ADAMTS9: variants seen among roughly 807,000 people sequenced by gnomAD.
ADAMTS9 encodes A disintegrin and metalloproteinase with thrombospondin motifs 9.
In ADAMTS9, 107 loss-of-function variants were observed where a neutral mutation model predicts 257.1. The observed-to-expected ratio is 0.42, with a 90% CI of 0.36 to 0.49. ADAMTS9 has a LOEUF of 0.49. ADAMTS9 is among the 20% of genes least tolerant of loss of function. ADAMTS9 has a pLI of 0.03. For synonymous variants in ADAMTS9, 982 were observed against 880.9 expected (o/e 1.11, Z -2.03); for missense variants, 2,353 against 2,469.1 (o/e 0.95, Z 1.00).
intron 30 of ADAMTS9, among the ~76,000 whole-genome samples, chr3:64,553,782 G>T (rs534352824): frequency 8.5e-5 from 13 of 152,110 alleles, no homozygotes; most frequent in Non-Finnish European, 1.5e-4. Context: ...ACCACTGTGA[G>T]GTGAGCATGG....
At chr3:64,538,420 A>G (rs2083076618) in intron 37 of ADAMTS9, among the ~76,000 whole-genome samples, 2 of 151,968 alleles carry the variant, frequency 1.3e-5, no homozygotes, top group South Asian at 4.1e-4. Context: ...TTTTTTAAAA[A>G]TTGGTTTCAT....
chr3:64,680,825 A>T (rs982169888), intron 3 of ADAMTS9, among the ~76,000 whole-genome samples: 1 of 152,102 alleles, frequency 6.6e-6, no homozygotes, highest in Admixed American at 6.5e-5. Flanking sequence ...TGAACAGAAG[A>T]TGCCAAAAAA....
intron 31 of ADAMTS9, among the ~76,000 whole-genome samples, chr3:64,547,512 A>ATTTTTTTTTTT (rs58728148): frequency 8.2e-6 from 1 of 122,132 alleles, no homozygotes; most frequent in Non-Finnish European, 1.6e-5. Context: ...CTGGCTATAG[A>ATTTTTTTTTTT]TTTTTTTTTT....
chr3:64,649,524 T>C, intron 10 of ADAMTS9, 113 bp downstream of exon 10: 2 of 1,256,848 alleles, frequency 1.6e-6, no homozygotes, highest in Middle Eastern at 2.0e-4. Context: ...GCAATTTTAC[T>C]CTCAGCTTTT....
At chr3:64,554,207 C>T (rs938846079) in intron 30 of ADAMTS9, among the ~76,000 whole-genome samples, 2 of 152,086 alleles carry the variant, frequency 1.3e-5, no homozygotes, top group Admixed American at 6.5e-5. Context: ...GCTTGTTAAG[C>T]GTTTCTCTCT....
At chr3:64,602,362 C>T (rs1271636382) in intron 25 of ADAMTS9, 149 bp from the exon 26 acceptor site, 2 of 807,668 alleles carry the variant, frequency 2.5e-6, no homozygotes, top group African/African-American at 1.7e-5. Context: ...TCTTTTTTTC[C>T]CATCCCATAT....
chr3:64,607,453 T>C (rs1354824973), intron 22 of ADAMTS9, among the ~76,000 whole-genome samples: 1 of 152,112 alleles, frequency 6.6e-6, no homozygotes, highest in Non-Finnish European at 1.5e-5. Flanking sequence ...TTCTAGGAAA[T>C]TATCCTGAAG....
Position 64,658,631 on chromosome 3 carries a change from C to T in ADAMTS9, c.840G>A (p.Arg280=), listed in dbSNP as rs1307876575. The T allele has an allele frequency of 6.2e-7, 1 of 1,613,876 alleles. No homozygotes were observed. The highest frequency in any genetic ancestry group is 1.7e-5 in the Admixed American group (1 of 59,974). Residue 280 remains arginine, a synonymous_variant, in exon 4 of 40, where the codon AGG becomes AGA. Coordinates refer to ENST00000498707, the MANE Select transcript of ADAMTS9 (RefSeq NM_182920.2). ...AAAAACGTTTTGTCCTTCTGTGGGTCCTCTTTTCTCTTGTGTTGTCCGTCT... is the reference window on the plus strand; with the variant it reads ...AAAAACGTTTTGTCCTTCTGTGGGTTCTCTTTTCTCTTGTGTTGTCCGTCT... ...GNKTDNTREK[R]THRRTKRFLS... is the part of the protein sequence containing the mutation.
At chr3:64,566,448 T>C (rs991292764) in intron 29 of ADAMTS9, among the ~76,000 whole-genome samples, 1 of 152,210 alleles carries the variant, frequency 6.6e-6, no homozygotes, top group African/African-American at 2.4e-5. Flanking sequence ...ACTTGACTTT[T>C]CCGAGCAATC....
At chr3:64,630,818 G>T (rs1449330548) in intron 16 of ADAMTS9, among the ~76,000 whole-genome samples, 1 of 152,128 alleles carries the variant, frequency 6.6e-6, no homozygotes. Context: ...ATGGGACTGG[G>T]CTGAGCAAAC....
At chr3:64,625,088 A>G (rs539368343) in intron 16 of ADAMTS9, among the ~76,000 whole-genome samples, 1 of 152,322 alleles carries the variant, frequency 6.6e-6, no homozygotes, top group African/African-American at 2.4e-5. Flanking sequence ...TACAGGCCAT[A>G]TATTTAGGTG....
intron 38 of ADAMTS9, among the ~76,000 whole-genome samples, chr3:64,529,353 G>A (rs1475450252): frequency 1.3e-5 from 2 of 152,138 alleles, no homozygotes; most frequent in Non-Finnish European, 2.9e-5. Flanking sequence ...AATCAATACA[G>A]CTTTCCTTTA....
intron 12 of ADAMTS9, among the ~76,000 whole-genome samples, chr3:64,635,755 C>CT (rs1024474453): frequency 2.0e-5 from 3 of 151,478 alleles, no homozygotes; most frequent in East Asian, 1.9e-4. Context: ...GTTTCAGAGT[C>CT]TTTTTTTTTC....
chr3:64,529,783 A>G (rs1378958842), intron 38 of ADAMTS9, among the ~76,000 whole-genome samples: 2 of 152,042 alleles, frequency 1.3e-5, no homozygotes, highest in Non-Finnish European at 2.9e-5. Context: ...ACAGATGTCA[A>G]TTTCTGGCCT....
chr3:64,623,290 T>C (rs1454682554), intron 16 of ADAMTS9, among the ~76,000 whole-genome samples: 5 of 152,188 alleles, frequency 3.3e-5, no homozygotes, highest in African/African-American at 4.8e-5. Flanking sequence ...TGCCTTGCTC[T>C]TCCTTGGACC....
intron 6 of ADAMTS9, 137 bp downstream of exon 6, chr3:64,655,439 G>A: frequency 2.9e-6 from 2 of 692,824 alleles, no homozygotes; most frequent in Non-Finnish European, 2.5e-6. Context: ...TGCACAGAAG[G>A]AATTGTCCAG....
chr3:64,568,184 G>T (rs952211384), intron 29 of ADAMTS9, among the ~76,000 whole-genome samples, 184 bp downstream of exon 29: 1 of 152,062 alleles, frequency 6.6e-6, no homozygotes, highest in South Asian at 2.1e-4. Flanking sequence ...AGCTCCAGAG[G>T]CTGGAGCCCA....
Position 64,541,381 on chromosome 3 carries a change from T to G in ADAMTS9, c.5326A>C (p.Lys1776Gln), listed in dbSNP as rs776898012. The G allele has an allele frequency of 4.3e-6, 7 of 1,614,150 alleles. No individual in the cohort carries two copies. Among genetic ancestry groups the G allele is most frequent in the Non-Finnish European group, 5.9e-6 (7 of 1,180,016 alleles). The change falls in exon 35 of 40, where the codon AAA becomes CAA. Residue 1776 changes from lysine to glutamine, a missense_variant. Transcript: ENST00000498707. ...CCATGCACCAGTGTCACGTACTCTTTGGGGTGGTCAGAGTGCATCCCCGCA... is the reference window on the plus strand; with the variant it reads ...CCATGCACCAGTGTCACGTACTCTTGGGGGTGGTCAGAGTGCATCCCCGCA... ...FCAGMHSDHP[K>Q]EYVTLVHGDS...
At chr3:64,547,357 CAG>C (rs2083214689) in intron 31 of ADAMTS9, among the ~76,000 whole-genome samples, 2 of 2,364 alleles carry the variant, frequency 8.5e-4, no homozygotes, top group Non-Finnish European at 0.013. Flanking sequence ...GAGGAGACAG[CAG>C]CAGCTGACCC....
Sources: gnomAD v4.1 joint callset for allele counts (sites outside exome capture counted in the v4.1 genomes callset) on GRCh38, gnomAD v4.1.1 for gene constraint, MANE v1.5 for transcripts, NCBI Gene and HGNC (gene_info 2026-07-23, HGNC 2026-07-21) for gene names.